RNF217: variants seen among roughly 807,000 people sequenced by gnomAD.
The protein encoded by RNF217 is ring finger protein 217.
RNF217 carries 31 observed loss-of-function variants against 57.8 expected under a neutral mutation model. That is an observed-to-expected ratio of 0.54 (90% CI 0.40 to 0.72). The LOEUF is 0.72. Ranked by LOEUF, RNF217 falls within the 30% of genes least tolerant of loss-of-function variation. RNF217 has a pLI of 0.00. For synonymous variants in RNF217, 313 were observed against 294.0 expected (o/e 1.06, Z -0.66); for missense variants, 696 against 708.3 (o/e 0.98, Z 0.20).
At chr6:125,020,459 A>G (rs893901127) in intron 1 of RNF217, among the ~76,000 whole-genome samples, 9 of 152,236 alleles carry the variant, frequency 5.9e-5, no homozygotes, top group Non-Finnish European at 1.5e-5. Flanking sequence ...TTTTACTTCT[A>G]TCATGCAGGT....
chr6:125,063,326 A>G (rs1487789165), intron 3 of RNF217, among the ~76,000 whole-genome samples: 1 of 152,178 alleles, frequency 6.6e-6, no homozygotes, highest in Non-Finnish European at 1.5e-5. Context: ...CATACACTAA[A>G]TTGTAATTTA....
chr6:124,963,560 C>T (rs1783397973), intron 1 of RNF217, 134 bp downstream of exon 1: 6 of 1,098,762 alleles, frequency 5.5e-6, no homozygotes, highest in Admixed American at 3.3e-5. Flanking sequence ...TAGTTTCTCA[C>T]GTCTCAGTTG....
intron 1 of RNF217, among the ~76,000 whole-genome samples, chr6:125,024,285 T>C (rs1225733854): frequency 6.6e-6 from 1 of 152,124 alleles, no homozygotes; most frequent in African/African-American, 2.4e-5. Context: ...ATTTTCATGA[T>C]AAGGAACATG....
chr6:124,967,426 A>G (rs1783587088), intron 1 of RNF217, among the ~76,000 whole-genome samples: 1 of 152,240 alleles, frequency 6.6e-6, no homozygotes, highest in African/African-American at 2.4e-5. Flanking sequence ...TGTCATAAAT[A>G]TGAAATATTA....
At chr6:125,043,716 C>T (rs145401407) in intron 1 of RNF217, among the ~76,000 whole-genome samples, 7 of 152,030 alleles carry the variant, frequency 4.6e-5, no homozygotes, top group Non-Finnish European at 8.8e-5. Context: ...ATAATAGCAT[C>T]GTAACACTGT....
At chr6:125,049,656 T>G (rs2114552522) in intron 2 of RNF217, among the ~76,000 whole-genome samples, 1 of 132,458 alleles carries the variant, frequency 7.5e-6, no homozygotes, top group East Asian at 2.1e-4. Context: ...ACATATAAAT[T>G]ACTTAGCACC....
At chr6:125,007,475 G>A (rs1193129983) in intron 1 of RNF217, among the ~76,000 whole-genome samples, 3 of 152,034 alleles carry the variant, frequency 2.0e-5, no homozygotes, top group East Asian at 1.9e-4. Context: ...TCAAACTCCC[G>A]ACCTCAGGTG....
At position 125,016,513 on chromosome 6, in the gene RNF217, G is replaced by A. The variant is rs77351256; in HGVS notation, c.883-28698G>A. ...CTCCATTATTTTTAATGGAATCTGT[G>A]CAGAAAAGTATTAACAGGGTTGGGA... On this transcript the variant is annotated intron_variant, in intron 1 of 5. Transcript: ENST00000521654. Among the ~76,000 whole-genome samples the A allele has an allele frequency of 4.2e-3, 635 of 152,138 alleles. 9 individuals are homozygous for A. The highest frequency in any genetic ancestry group is 0.015 in the African/African-American group (607 of 41,498).
At chr6:124,995,835 T>A (rs1261876675) in intron 1 of RNF217, among the ~76,000 whole-genome samples, 5 of 152,102 alleles carry the variant, frequency 3.3e-5, no homozygotes, top group Non-Finnish European at 7.4e-5. Context: ...GCTAGGAGAA[T>A]CATGTGAACC....
chr6:125,035,330 G>A (rs981713120), intron 1 of RNF217, among the ~76,000 whole-genome samples: 2 of 152,100 alleles, frequency 1.3e-5, no homozygotes, highest in African/African-American at 4.8e-5. Flanking sequence ...TATTGGCTGT[G>A]GGTTTGTCAT....
At chr6:124,999,458 C>CA (rs1784885886) in intron 1 of RNF217, among the ~76,000 whole-genome samples, 1 of 148,774 alleles carries the variant, frequency 6.7e-6, no homozygotes, top group Non-Finnish European at 1.5e-5. Flanking sequence ...TGATCTTTAC[C>CA]TTTTTTTTTT....
intron 1 of RNF217, among the ~76,000 whole-genome samples, chr6:124,976,264 TCCCTCCCTCCC>T (rs1783955322): frequency 8.4e-5 from 7 of 83,338 alleles, no homozygotes; most frequent in African/African-American, 3.5e-4. Flanking sequence ...CCTCCCTCCC[TCCCTCCCTCCC>T]GCTCTCTCTC....
chr6:125,058,249 T>A (rs1787598920), intron 3 of RNF217, 143 bp downstream of exon 3: 1 of 709,152 alleles, frequency 1.4e-6, no homozygotes. Context: ...GGAAAAGTAA[T>A]TATATAATTA....
intron 3 of RNF217, among the ~76,000 whole-genome samples, chr6:125,069,538 C>A (rs9491300): frequency 0.11 from 17,476 of 152,166 alleles, 1,072 homozygotes; most frequent in African/African-American, 0.13. Context: ...ACCACATTTT[C>A]TTTATCCAGT....
intron 4 of RNF217, among the ~76,000 whole-genome samples, chr6:125,077,565 A>G (rs1788425092): frequency 6.6e-6 from 1 of 152,126 alleles, no homozygotes; most frequent in Non-Finnish European, 1.5e-5. Flanking sequence ...ACCTGCCCAT[A>G]AACAAATCAC....
At chr6:124,972,731 C>T (rs1363944852) in intron 1 of RNF217, among the ~76,000 whole-genome samples, 1 of 152,180 alleles carries the variant, frequency 6.6e-6, no homozygotes, top group African/African-American at 2.4e-5. Context: ...CCCATTCACA[C>T]CCATTCTTCT....
At chr6:125,027,039 G>A (rs948584479) in intron 1 of RNF217, among the ~76,000 whole-genome samples, 1 of 151,602 alleles carries the variant, frequency 6.6e-6, no homozygotes, top group African/African-American at 2.4e-5. Flanking sequence ...GTACATAGTA[G>A]GTGTATATAT....
intron 3 of RNF217, among the ~76,000 whole-genome samples, chr6:125,071,934 C>T (rs1788161214): frequency 6.6e-6 from 1 of 151,988 alleles, no homozygotes. Flanking sequence ...TATTTTTTAG[C>T]AGAGCTAAAC....
At chr6:124,977,634 G>A (rs1167806497) in intron 1 of RNF217, among the ~76,000 whole-genome samples, 1 of 152,116 alleles carries the variant, frequency 6.6e-6, no homozygotes, top group East Asian at 1.9e-4. Flanking sequence ...GTTTGCTTAG[G>A]GTGGTAAGGA....
Sources: gnomAD v4.1 joint callset for allele counts (sites outside exome capture counted in the v4.1 genomes callset) on GRCh38, gnomAD v4.1.1 for gene constraint, MANE v1.5 for transcripts, NCBI Gene and HGNC (gene_info 2026-07-23, HGNC 2026-07-21) for gene names.